ADGRB3: variants seen among roughly 807,000 people sequenced by gnomAD.
ADGRB3 encodes the protein adhesion G protein-coupled receptor B3, also known as brain-specific angiogenesis inhibitor 3.
In ADGRB3, 37 loss-of-function variants were observed where a neutral mutation model predicts 193.4. The observed-to-expected ratio is 0.19, with a 90% CI of 0.15 to 0.25. The LOEUF is 0.25. Ranked by LOEUF, ADGRB3 falls within the 10% of genes least tolerant of loss-of-function variation. The pLI is 1.00. For synonymous variants in ADGRB3, 690 were observed against 644.2 expected (o/e 1.07, Z -1.08); for missense variants, 1,637 against 1,852.9 (o/e 0.88, Z 2.14).
intron 12 of ADGRB3, among the ~76,000 whole-genome samples, chr6:69,014,442 G>A (rs1770031477): frequency 6.6e-6 from 1 of 151,728 alleles, no homozygotes; most frequent in African/African-American, 2.4e-5. Flanking sequence ...ATGAAAGTAT[G>A]GAGCTTTGAC....
intron 26 of ADGRB3, among the ~76,000 whole-genome samples, chr6:69,348,242 G>A (rs540203657): frequency 6.4e-4 from 98 of 152,236 alleles, no homozygotes; most frequent in Middle Eastern, 6.8e-3. Context: ...CATGCCTGCC[G>A]TTAACATCAA....
chr6:68,717,280 G>A lies in ADGRB3; in HGVS notation c.757+77848G>A, dbSNP rs149173917. Reference sequence around the variant, plus strand: ...GCAATATATCTATATATAATTCATAGCATTTTATAATAATTCCAAATTTAG... The same window carrying A: ...GCAATATATCTATATATAATTCATAACATTTTATAATAATTCCAAATTTAG... On this transcript the variant is annotated intron_variant, in intron 3 of 31. Coordinates refer to ENST00000370598, the MANE Select transcript of ADGRB3 (RefSeq NM_001704.3). Among the ~76,000 whole-genome samples, 480 of 151,732 alleles carry A rather than the reference G, an allele frequency of 3.2e-3. 4 individuals carry two copies. The highest frequency in any genetic ancestry group is 0.011 in the African/African-American group (469 of 41,476).
At chr6:68,726,369 A>G (rs1468586627) in intron 3 of ADGRB3, among the ~76,000 whole-genome samples, 4 of 151,586 alleles carry the variant, frequency 2.6e-5, no homozygotes, top group African/African-American at 9.7e-5. Flanking sequence ...CAGTTGCAAA[A>G]CCAAATTTGG....
At chr6:68,901,018 T>C (rs1766380458) in intron 3 of ADGRB3, among the ~76,000 whole-genome samples, 1 of 152,190 alleles carries the variant, frequency 6.6e-6, no homozygotes, top group South Asian at 2.1e-4. Context: ...TTATTGTTCT[T>C]ACCATGAGCC....
chr6:69,092,418 C>T (rs766244159), intron 17 of ADGRB3, among the ~76,000 whole-genome samples: 3 of 152,140 alleles, frequency 2.0e-5, no homozygotes. Context: ...CTGTAAATTT[C>T]TTAGAAATTG....
intron 20 of ADGRB3, among the ~76,000 whole-genome samples, chr6:69,257,566 GT>G (rs1766808057): frequency 6.6e-6 from 1 of 152,070 alleles, no homozygotes; most frequent in Non-Finnish European, 1.5e-5. Flanking sequence ...GATGTTTGAG[GT>G]AAACAAAATC....
At chr6:68,733,186 G>T (rs749134643) in intron 3 of ADGRB3, among the ~76,000 whole-genome samples, 1 of 150,456 alleles carries the variant, frequency 6.6e-6, no homozygotes, top group Non-Finnish European at 1.5e-5. Flanking sequence ...ATTTATTACA[G>T]CCTAAGTGCA....
chr6:69,206,045 G>GTATATGTGTA (rs1554169624), intron 17 of ADGRB3, among the ~76,000 whole-genome samples: 2 of 99,952 alleles, frequency 2.0e-5, no homozygotes, highest in African/African-American at 3.8e-5. Flanking sequence ...TATAATAATG[G>GTATATGTGTA]TATATATATA....
chr6:69,151,702 G>A (rs541292720), intron 17 of ADGRB3, among the ~76,000 whole-genome samples: 2 of 152,210 alleles, frequency 1.3e-5, no homozygotes, highest in African/African-American at 2.4e-5. Context: ...AGTCCTGTCC[G>A]TATATTTCTG....
At position 68,807,722 on chromosome 6, in the gene ADGRB3, A is replaced by T. The variant is rs151188840; in HGVS notation, c.758-122837A>T. On this transcript the variant is annotated intron_variant, in intron 3 of 31. Coordinates refer to ENST00000370598, the MANE Select transcript of ADGRB3 (RefSeq NM_001704.3). ...TAAGCATTTGAAAATGTTTACATAT[A>T]TTATACTTAAGTGAGAACTAAAAAA... 9.9e-5 allele frequency among the ~76,000 whole-genome samples: 15 copies of T among 152,224 alleles called. No individual in the cohort carries two copies. The East Asian group carries it at 2.9e-3, about 29-fold the overall frequency.
intron 3 of ADGRB3, among the ~76,000 whole-genome samples, chr6:68,772,948 AAT>A (rs1491219542): frequency 0.017 from 799 of 48,246 alleles, 50 homozygotes; most frequent in African/African-American, 0.052. Context: ...CACACACAAA[AAT>A]AAAAAATAAA....
intron 3 of ADGRB3, among the ~76,000 whole-genome samples, chr6:68,758,018 A>C (rs2127349867): frequency 6.6e-6 from 1 of 152,206 alleles, no homozygotes; most frequent in Admixed American, 6.5e-5. Context: ...GAAGCACCAC[A>C]GTGAAAGTCT....
In ADGRB3 at chr6:69,354,312, G is replaced by A; in HGVS notation, c.3539G>A (p.Gly1180Glu). ...NADSSSSFPNGHAQIMTDFEK... is the reference protein window; with the variant it reads ...NADSSSSFPNEHAQIMTDFEK... The stretch of plus-strand genomic sequence containing the variant: ...GATTCTTCGAGTTCGTTTCCTAATG[G>A]GCATGCTCAAATCATGGTGAGTTTT... The change falls in exon 27 of 32, where the codon GGG (glycine) becomes GAG (glutamate). Residue 1180 changes from glycine (G) to glutamate (E), a missense_variant. Gly to Glu is a moderately conservative substitution (Grantham distance 98). Around this residue, in one of 7 missense-constraint regions of ADGRB3, gnomAD observed 116 missense variants for 168.1 expected, o/e 0.69. Coordinates refer to ENST00000370598, the MANE Select transcript of ADGRB3 (RefSeq NM_001704.3). 6.2e-7 allele frequency: 1 copy of A among 1,613,074 alleles called. No homozygotes were observed. Among genetic ancestry groups the A allele is most frequent in the Non-Finnish European group, 8.5e-7 (1 of 1,179,206 alleles).
At chr6:68,858,778 G>T (rs879698928) in intron 3 of ADGRB3, among the ~76,000 whole-genome samples, 3 of 152,084 alleles carry the variant, frequency 2.0e-5, no homozygotes, top group Non-Finnish European at 4.4e-5. Context: ...ATGGGACACA[G>T]GGCATCAAGT....
intron 20 of ADGRB3, among the ~76,000 whole-genome samples, chr6:69,324,131 G>C (rs1167514666): frequency 1.3e-5 from 2 of 152,040 alleles, no homozygotes; most frequent in African/African-American, 4.8e-5. Context: ...TTGCTGATGA[G>C]TCACAACTAA....
intron 29 of ADGRB3, 43 bp from the exon 30 acceptor site, chr6:69,372,363 C>T (rs747141105): frequency 1.7e-6 from 2 of 1,152,958 alleles, no homozygotes; most frequent in Non-Finnish European, 2.4e-6. Context: ...CTAAACATAA[C>T]TTTATTGGTT....
intron 3 of ADGRB3, among the ~76,000 whole-genome samples, chr6:68,792,818 T>C (rs370587122): frequency 1.4e-4 from 22 of 152,304 alleles, no homozygotes; most frequent in African/African-American, 4.8e-4. Context: ...CCAACTCTTA[T>C]ACTTCAGATA....
At chr6:69,355,130 A>G (rs1048885515) in intron 27 of ADGRB3, among the ~76,000 whole-genome samples, 1 of 152,248 alleles carries the variant, frequency 6.6e-6, no homozygotes, top group Non-Finnish European at 1.5e-5. Flanking sequence ...TAAAATATTA[A>G]TAGGGAAAGG....
At chr6:68,779,228 T>TATTGTG (rs1554192670) in intron 3 of ADGRB3, among the ~76,000 whole-genome samples, 40 of 93,382 alleles carry the variant, frequency 4.3e-4, no homozygotes, top group African/African-American at 1.4e-3. Flanking sequence ...TATGTATATA[T>TATTGTG]TATGTGTGTG....
Sources: gnomAD v4.1 joint callset for allele counts (sites outside exome capture counted in the v4.1 genomes callset) on GRCh38, gnomAD v4.1.1 for gene constraint, gnomAD v4.1.1 regional missense constraint, MANE v1.5 for transcripts, NCBI Gene and HGNC (gene_info 2026-07-23, HGNC 2026-07-21) for gene names.